ABCG8: variants seen among roughly 807,000 people sequenced by gnomAD.
ABCG8 encodes ATP-binding cassette sub-family G member 8.
ABCG8 carries 81 observed loss-of-function variants against 71.3 expected under a neutral mutation model. The observed-to-expected ratio is 1.14, with a 90% CI of 0.95 to 1.37. ABCG8 has a LOEUF of 1.37. Among genes scored for constraint, ABCG8 ranks in the 40% most tolerant of loss-of-function variants. ABCG8 has a pLI of 0.00. For synonymous variants in ABCG8, 451 were observed against 354.7 expected (o/e 1.27, Z -3.05); for missense variants, 1,119 against 866.2 (o/e 1.29, Z -3.66).
In ABCG8 at chr2:43,877,803, T is replaced by G; in HGVS notation, c.1912T>G (p.Tyr638Asp). ...CCTCAGTGTCATGGAGCTGGACTCGTACCCTCTCTACGCCATCTACCTCAT... is the reference window on the plus strand; with the variant it reads ...CCTCAGTGTCATGGAGCTGGACTCGGACCCTCTCTACGCCATCTACCTCAT... Reference protein sequence around the residue: ...KILSVMELDSYPLYAIYLIVI... With the variant: ...KILSVMELDSDPLYAIYLIVI... Residue 638 changes from tyrosine (Y) to aspartate (D), a missense_variant, in exon 13 of 13, where the codon TAC becomes GAC. Coordinates refer to ENST00000272286, the MANE Select transcript of ABCG8 (RefSeq NM_022437.3). 6.2e-7 allele frequency: 1 copy of G among 1,614,186 alleles called. No homozygotes were observed. Among genetic ancestry groups the G allele is most frequent in the Non-Finnish European group, 8.5e-7 (1 of 1,180,016 alleles).
chr2:43,839,261 A>T (rs1008484308), intron 1 of ABCG8, 145 bp downstream of exon 1: 2 of 910,414 alleles, frequency 2.2e-6, no homozygotes, highest in Non-Finnish European at 3.4e-6. Context: ...TGTTTCCTGC[A>T]TGTCAAAGGG....
At chr2:43,839,496 G>A (rs1271840551) in intron 1 of ABCG8, among the ~76,000 whole-genome samples, 8 of 120,514 alleles carry the variant, frequency 6.6e-5, no homozygotes, top group East Asian at 2.8e-4. Flanking sequence ...GCGTGATCTC[G>A]GCTCACTGCA....
rs1342511943 is a variant in ABCG8, at chr2:43,852,858, T to A, written c.954T>A (p.Ala318=). 2 of 1,613,960 alleles carry A rather than the reference T, an allele frequency of 1.2e-6. No homozygotes were observed. The highest frequency in any genetic ancestry group is 1.7e-6 in the Non-Finnish European group (2 of 1,180,038). Residue 318 remains alanine, a synonymous_variant, in exon 6 of 13, where the codon GCT becomes GCA. Coordinates refer to ENST00000272286, the MANE Select transcript of ABCG8 (RefSeq NM_022437.3). ...GYPCPRYSNP[A]DFYVDLTSID... ...CCTGTCCTCGCTACAGCAATCCTGCTGACTTCTATGGTGAGTCCCCAAGGC... is the reference window on the plus strand; with the variant it reads ...CCTGTCCTCGCTACAGCAATCCTGCAGACTTCTATGGTGAGTCCCCAAGGC...
Position 43,852,661 on chromosome 2 carries a change from A to G in ABCG8, c.757A>G (p.Lys253Glu), listed in dbSNP as rs1668966284. ...CAGCTTCACAGCCCACAACCTGGTGAAGACCTTGTCCAGGCTGGCCAAAGG... is the reference window on the plus strand; with the variant it reads ...CAGCTTCACAGCCCACAACCTGGTGGAGACCTTGTCCAGGCTGGCCAAAGG... ...LDSFTAHNLV[K>E]TLSRLAKGNR... is the part of the protein sequence containing the mutation. Residue 253 changes from lysine (K) to glutamate (E), a missense_variant, in exon 6 of 13, where the codon AAG (lysine) becomes GAG (glutamate). Lys to Glu is a moderately conservative substitution (Grantham distance 56, BLOSUM62 1). Transcript: ENST00000272286. 6.2e-7 allele frequency: 1 copy of G among 1,614,152 alleles called. No individual in the cohort carries two copies.
intron 6 of ABCG8, among the ~76,000 whole-genome samples, chr2:43,857,840 C>G (rs1669166523): frequency 6.6e-6 from 1 of 151,590 alleles, no homozygotes; most frequent in Non-Finnish European, 1.5e-5. Flanking sequence ...TTTTCACCAT[C>G]CATGAACAAC....
At chr2:43,876,441 A>G (rs1669960962) in intron 11 of ABCG8, among the ~76,000 whole-genome samples, 1 of 150,562 alleles carries the variant, frequency 6.6e-6, no homozygotes, top group Non-Finnish European at 1.5e-5. Flanking sequence ...AATACGGGGG[A>G]GACTGTGTCG....
intron 1 of ABCG8, among the ~76,000 whole-genome samples, chr2:43,839,768 A>G (rs1668507489): frequency 6.6e-6 from 1 of 152,092 alleles, no homozygotes; most frequent in Non-Finnish European, 1.5e-5. Flanking sequence ...ATGTGCTCAC[A>G]CATGCCAGGG....
intron 11 of ABCG8, 77 bp downstream of exon 11, chr2:43,875,490 A>G (rs1572868603): frequency 7.8e-6 from 12 of 1,540,424 alleles, no homozygotes; most frequent in Non-Finnish European, 1.1e-5. Context: ...TCATCTGGAG[A>G]TGGACACTTA....
chr2:43,873,339 C>A (rs763363441), intron 8 of ABCG8, among the ~76,000 whole-genome samples: 1 of 151,940 alleles, frequency 6.6e-6, no homozygotes, highest in Non-Finnish European at 1.5e-5. Context: ...CAGGTGTGTG[C>A]CACCACTCCT....
intron 6 of ABCG8, among the ~76,000 whole-genome samples, chr2:43,860,555 C>T (rs1456185487): frequency 6.6e-6 from 1 of 151,436 alleles, no homozygotes; most frequent in Non-Finnish European, 1.5e-5. Context: ...CGATTGAAGT[C>T]TCACTATCTG....
intron 3 of ABCG8, 85 bp from the exon 4 acceptor site, chr2:43,851,499 C>G: frequency 6.8e-7 from 1 of 1,470,918 alleles, no homozygotes; most frequent in Non-Finnish European, 9.5e-7. Flanking sequence ...AGTCCGGGGT[C>G]CTGGAGAGTG....
At chr2:43,841,924 G>T (rs1387019553) in intron 1 of ABCG8, among the ~76,000 whole-genome samples, 1 of 152,118 alleles carries the variant, frequency 6.6e-6, no homozygotes, top group African/African-American at 2.4e-5. Context: ...CATTTACATT[G>T]TCTAATATCC....
rs1016674223 is a variant in ABCG8, at chr2:43,878,279, C to G, written c.*366C>G. ...TAGACTGTGCAGGAATTGTTGGAAC[C>G]TGGAGGGAACAATAACAGTAGCTAG... is the stretch of plus-strand genomic sequence containing the variant. On this transcript the variant is annotated 3_prime_UTR_variant, in exon 13 of 13. Transcript: ENST00000272286. The G allele has an allele frequency of 1.5e-5, 5 of 343,514 alleles. No homozygotes were observed. Among genetic ancestry groups the G allele is most frequent in the East Asian group, 7.3e-5 (1 of 13,782 alleles). The allele number at this position is 343,514 out of a possible 1,614,324, so 21.3% of individuals were successfully genotyped here. A position where few individuals can be genotyped will look rare whatever the true frequency, so the allele number is the denominator to read the frequency against.
chr2:43,849,833 C>A (rs569044225), intron 3 of ABCG8, among the ~76,000 whole-genome samples: 1 of 152,134 alleles, frequency 6.6e-6, no homozygotes, highest in Non-Finnish European at 1.5e-5. Flanking sequence ...GCACAGGCCC[C>A]TTCTACCCTG....
rs373990693 is a variant in ABCG8, at chr2:43,875,293, G to A, written c.1636G>A (p.Ala546Thr). The A allele has an allele frequency of 6.2e-7, 1 of 1,614,154 alleles. No homozygotes were observed. The highest frequency in any genetic ancestry group is 8.5e-7 in the Non-Finnish European group (1 of 1,180,036). ...GGTGGTCTTCTGTTGCAGGATTATG[G>A]CCCTGGCCGCCGCGGCCCTGCTCCC... Reference protein sequence around the residue: ...WLVVFCCRIMALAAAALLPTF... With the variant: ...WLVVFCCRIMTLAAAALLPTF... Residue 546 changes from alanine (A) to threonine (T), a missense_variant, in exon 11 of 13, where the codon GCC becomes ACC. Ala to Thr is a moderately conservative substitution (Grantham distance 58). Transcript: ENST00000272286.
Position 43,852,683 on chromosome 2 carries a change from A to G in ABCG8, c.779A>G (p.Lys260Arg). 1 of 1,614,120 alleles carries G rather than the reference A, an allele frequency of 6.2e-7. No individual in the cohort carries two copies. The highest frequency in any genetic ancestry group is 8.5e-7 in the Non-Finnish European group (1 of 1,180,008). Residue 260 changes from lysine to arginine, a missense_variant, in exon 6 of 13, where the codon AAA becomes AGA. Transcript: ENST00000272286. Reference sequence around the variant, plus strand: ...GTGAAGACCTTGTCCAGGCTGGCCAAAGGCAACCGGCTGGTGCTCATCTCC... The same window carrying G: ...GTGAAGACCTTGTCCAGGCTGGCCAGAGGCAACCGGCTGGTGCTCATCTCC... ...NLVKTLSRLA[K>R]GNRLVLISLH...
At chr2:43,850,820 G>T (rs1668889445) in intron 3 of ABCG8, among the ~76,000 whole-genome samples, 1 of 151,128 alleles carries the variant, frequency 6.6e-6, no homozygotes, top group Admixed American at 6.6e-5. Flanking sequence ...GAGGCAGGGA[G>T]AATTGCTTGA....
intron 6 of ABCG8, among the ~76,000 whole-genome samples, chr2:43,870,044 A>G (rs1342360274): frequency 6.6e-6 from 1 of 151,808 alleles, no homozygotes; most frequent in Non-Finnish European, 1.5e-5. Context: ...TCTGGATAGA[A>G]TTCTTACTCT....
At position 43,872,040 on chromosome 2, in the gene ABCG8, G is replaced by A. The variant is rs1056029960; in HGVS notation, c.1029G>A (p.Gln343=). 15 of 1,613,996 alleles carry A rather than the reference G, an allele frequency of 9.3e-6. No individual in the cohort carries two copies. The Admixed American group carries it at 1.2e-4, about 13-fold the overall frequency. The part of the protein sequence containing the change: ...EQELATREKA[Q]SLAALFLEKV... Reference sequence around the variant, plus strand: ...AATTGGCCACCAGGGAGAAGGCTCAGTCACTCGCAGCCCTGTTTCTAGAAA... The same window carrying A: ...AATTGGCCACCAGGGAGAAGGCTCAATCACTCGCAGCCCTGTTTCTAGAAA... The change falls in exon 7 of 13, where the codon CAG becomes CAA. Residue 343 remains glutamine (Q), a synonymous_variant. Coordinates refer to ENST00000272286, the MANE Select transcript of ABCG8 (RefSeq NM_022437.3).
Sources: gnomAD v4.1 joint callset for allele counts (sites outside exome capture counted in the v4.1 genomes callset) on GRCh38, gnomAD v4.1.1 for gene constraint, MANE v1.5 for transcripts, NCBI Gene and HGNC (gene_info 2026-07-23, HGNC 2026-07-21) for gene names.